The following AK4 variants were observed in gnomAD, a reference collection of about 807,000 sequenced individuals.
AK4 encodes adenylate kinase 4, also known as adenylate kinase 4, mitochondrial.
In AK4, 13 loss-of-function variants were observed where a neutral mutation model predicts 24.6. The ratio of observed to expected loss-of-function variants is 0.53; its 90% confidence interval spans 0.34 to 0.84. AK4 has a LOEUF of 0.84. AK4 is among the 40% of genes least tolerant of loss of function. The probability of loss-of-function intolerance (pLI) is 0.01; values close to 1 mark genes in which losing one functional copy is unlikely to be tolerated. For missense variants in AK4, 192 were observed against 288.2 expected (o/e 0.67, Z 2.42); for synonymous variants, 88 against 107.0 (o/e 0.82, Z 1.10).
intron 2 of AK4, among the ~76,000 whole-genome samples, chr1:65,199,891 G>T (rs1651610649): frequency 6.6e-6 from 1 of 152,088 alleles, no homozygotes; most frequent in Non-Finnish European, 1.5e-5. Context: ...CAAAATTTTG[G>T]ATTTTGGAGC....
intron 3 of AK4, among the ~76,000 whole-genome samples, chr1:65,223,058 T>G (rs187025524): frequency 6.6e-6 from 1 of 152,044 alleles, no homozygotes; most frequent in Non-Finnish European, 1.5e-5. Context: ...ATGGGTAATT[T>G]AATAATTTCT....
chr1:65,223,268 C>T (rs1652349898), intron 3 of AK4, among the ~76,000 whole-genome samples: 1 of 152,038 alleles, frequency 6.6e-6, no homozygotes, highest in South Asian at 2.1e-4. Context: ...GATTTCACTG[C>T]AACCTTTGCC....
chr1:65,214,651 A>G lies in AK4; in HGVS notation c.266-4103A>G, dbSNP rs190689521. Among the ~76,000 whole-genome samples, 297 of 152,192 alleles carry G rather than the reference A, an allele frequency of 2.0e-3. 1 individual carries two copies. Among genetic ancestry groups the G allele is most frequent in the Non-Finnish European group, 3.4e-3 (228 of 68,000 alleles). On this transcript the variant is annotated intron_variant, in intron 2 of 4. Coordinates refer to ENST00000327299, the MANE Select transcript of AK4 (RefSeq NM_013410.4). ...TCCTGAATGTGTCTACCTTAAGGCT[A>G]TTTCTCCTCACTTTTGAAATAGTGA...
At chr1:65,214,238 G>A (rs1344207121) in intron 2 of AK4, among the ~76,000 whole-genome samples, 1 of 152,138 alleles carries the variant, frequency 6.6e-6, no homozygotes, top group Non-Finnish European at 1.5e-5. Context: ...AGCCTCCTGA[G>A]TAGCTGAGAT....
Position 65,227,415 on chromosome 1 carries a change from A to G in AK4, c.*1238A>G, listed in dbSNP as rs987802147. On this transcript the variant is annotated 3_prime_UTR_variant, in exon 5 of 5. Transcript: ENST00000327299. ...TTTTTCTGTTCCAAAGATTCATCCT[A>G]TGGGGTGGCCATAAAGTCTAGAATT... 2 of 152,450 alleles carry G rather than the reference A, an allele frequency of 1.3e-5. No homozygotes were observed. Among genetic ancestry groups the G allele is most frequent in the Non-Finnish European group, 2.9e-5 (2 of 68,014 alleles). The allele number at this position is 152,450 out of a possible 1,614,324, so 9.4% of individuals were successfully genotyped here.
At chr1:65,173,066 G>A (rs572605474) in intron 1 of AK4, among the ~76,000 whole-genome samples, 5 of 152,068 alleles carry the variant, frequency 3.3e-5, no homozygotes, top group East Asian at 1.9e-4. Flanking sequence ...GTTTCACCAC[G>A]TTGGCTAGGC....
At chr1:65,190,170 C>G (rs1651244919) in intron 1 of AK4, among the ~76,000 whole-genome samples, 1 of 152,224 alleles carries the variant, frequency 6.6e-6, no homozygotes, top group Admixed American at 6.5e-5. Flanking sequence ...ATGTACCATC[C>G]TGCTTCTTGA....
At chr1:65,174,718 T>C (rs1650654316) in intron 1 of AK4, among the ~76,000 whole-genome samples, 1 of 152,190 alleles carries the variant, frequency 6.6e-6, no homozygotes, top group Non-Finnish European at 1.5e-5. Context: ...TCTAGGGAGC[T>C]ACTTGCTGTA....
chr1:65,224,586 GTGC>G (rs916006508), intron 3 of AK4, among the ~76,000 whole-genome samples, 163 bp from the exon 4 acceptor site: 21 of 152,304 alleles, frequency 1.4e-4, no homozygotes, highest in African/African-American at 5.1e-4. Flanking sequence ...ACTGTTAAGT[GTGC>G]TATTTCTTTT....
At chr1:65,217,766 C>T (rs1652174437) in intron 2 of AK4, among the ~76,000 whole-genome samples, 1 of 152,130 alleles carries the variant, frequency 6.6e-6, no homozygotes, top group South Asian at 2.1e-4. Flanking sequence ...TTGTTATTTC[C>T]ACACATTTAG....
intron 1 of AK4, among the ~76,000 whole-genome samples, chr1:65,168,440 C>T (rs1650404966): frequency 6.6e-6 from 1 of 152,056 alleles, no homozygotes; most frequent in Non-Finnish European, 1.5e-5. Flanking sequence ...GCCACTGTGC[C>T]TGGCCCTGCA....
intron 1 of AK4, among the ~76,000 whole-genome samples, chr1:65,181,324 C>T (rs1360320384): frequency 1.3e-5 from 2 of 151,608 alleles, no homozygotes. Context: ...ATGTAGCCAT[C>T]AACATTATAT....
At chr1:65,217,262 C>T (rs1004036563) in intron 2 of AK4, among the ~76,000 whole-genome samples, 3 of 152,116 alleles carry the variant, frequency 2.0e-5, no homozygotes, top group African/African-American at 7.2e-5. Context: ...GGTTTCAATG[C>T]AGTGCTGCAT....
At chr1:65,159,691 C>G (rs187436073) in intron 1 of AK4, among the ~76,000 whole-genome samples, 4 of 150,824 alleles carry the variant, frequency 2.7e-5, no homozygotes, top group African/African-American at 9.8e-5. Flanking sequence ...AAAAGTTGGC[C>G]GGGCGTGGTG....
chr1:65,196,179 G>A (rs554511860), intron 2 of AK4, among the ~76,000 whole-genome samples: 1 of 152,238 alleles, frequency 6.6e-6, no homozygotes, highest in Admixed American at 6.5e-5. Flanking sequence ...TGCGGAGGAC[G>A]TGCCTGTTGA....
intron 1 of AK4, among the ~76,000 whole-genome samples, chr1:65,172,567 C>T (rs1203053220): frequency 6.6e-6 from 1 of 151,956 alleles, no homozygotes; most frequent in African/African-American, 2.4e-5. Context: ...AATAAGCTTA[C>T]GAATGGAAAT....
chr1:65,180,604 T>C lies in AK4; in HGVS notation c.146-10106T>C, dbSNP rs139621516. ...TATTTTTTAAAGCTTATTTTCTTAC[T>C]GGAAGAGATTCAGCAGAGTGATATT... On this transcript the variant is annotated intron_variant, in intron 1 of 4. Coordinates refer to ENST00000327299, the MANE Select transcript of AK4 (RefSeq NM_013410.4). Among the ~76,000 whole-genome samples, 580 of 152,336 alleles carry C rather than the reference T, an allele frequency of 3.8e-3. 4 individuals carry two copies. Among genetic ancestry groups the C allele is most frequent in the African/African-American group, 0.013 (553 of 41,572 alleles).
intron 3 of AK4, among the ~76,000 whole-genome samples, chr1:65,221,444 T>C (rs1292296665): frequency 6.6e-6 from 1 of 152,156 alleles, no homozygotes; most frequent in Non-Finnish European, 1.5e-5. Flanking sequence ...CTTTTAAAAA[T>C]GTAAAAGCAG....
intron 1 of AK4, among the ~76,000 whole-genome samples, chr1:65,183,776 T>C (rs1270506885): frequency 7.9e-5 from 12 of 152,062 alleles, no homozygotes; most frequent in Non-Finnish European, 1.8e-4. Flanking sequence ...TCTTTTCTTT[T>C]TAACCAGCCT....
Sources: allele counts gnomAD v4.1 joint callset (sites outside exome capture counted in the v4.1 genomes callset), GRCh38; gene constraint gnomAD v4.1.1; transcripts MANE v1.5; gene names NCBI Gene and HGNC (gene_info 2026-07-23, HGNC 2026-07-21).